The following FBXL20 variants were observed in gnomAD, a reference collection of about 807,000 sequenced individuals.
The protein encoded by FBXL20 is F-box/LRR-repeat protein 20.
A neutral mutation model predicts 64.0 loss-of-function variants in FBXL20; 11 were observed. The ratio of observed to expected loss-of-function variants is 0.17; its 90% CI spans 0.11 to 0.28. FBXL20 has a LOEUF of 0.28. Among genes scored for constraint, FBXL20 ranks in the 10% least tolerant of loss-of-function variants. FBXL20 has a pLI of 1.00. For missense variants in FBXL20, 303 were observed against 526.2 expected (o/e 0.58, Z 4.15); for synonymous variants, 184 against 189.0 (o/e 0.97, Z 0.22).
At chr17:39,339,821 G>T (rs896987095) in intron 2 of FBXL20, among the ~76,000 whole-genome samples, 11 of 150,108 alleles carry the variant, frequency 7.3e-5, no homozygotes, top group Non-Finnish European at 1.5e-4. Context: ...TTTTTTTTTT[G>T]TATTTTAGTA....
chr17:39,285,435 ATT>A, intron 7 of FBXL20, 41 bp downstream of exon 7: 3 of 1,281,622 alleles, frequency 2.3e-6, no homozygotes, highest in Non-Finnish European at 2.1e-6. Context: ...TAAAATATGT[ATT>A]TTTTTTTGAT....
intron 2 of FBXL20, among the ~76,000 whole-genome samples, chr17:39,327,051 A>G (rs1046671761): frequency 2.6e-5 from 4 of 151,984 alleles, no homozygotes; most frequent in Non-Finnish European, 4.4e-5. Context: ...CGTCTCCACT[A>G]ATTTTTTTAT....
intron 6 of FBXL20, among the ~76,000 whole-genome samples, chr17:39,290,345 T>C (rs2047027092): frequency 6.6e-6 from 1 of 152,112 alleles, no homozygotes; most frequent in South Asian, 2.1e-4. Context: ...TGAATCCAAT[T>C]ATACCATTAT....
chr17:39,331,623 G>A (rs745601542), intron 2 of FBXL20, among the ~76,000 whole-genome samples: 7 of 152,164 alleles, frequency 4.6e-5, no homozygotes, highest in Non-Finnish European at 1.0e-4. Context: ...GACAGTGATT[G>A]TTTATTTCTA....
At chr17:39,291,730 C>T (rs367883644) in intron 6 of FBXL20, among the ~76,000 whole-genome samples, 2 of 152,010 alleles carry the variant, frequency 1.3e-5, no homozygotes, top group Non-Finnish European at 1.5e-5. Context: ...GCACTGTGCC[C>T]GGCCAAACTT....
chr17:39,367,082 G>A lies in FBXL20; in HGVS notation c.43-23841C>T, dbSNP rs563156950. On this transcript the variant is annotated intron_variant, in intron 1 of 14. Transcript: ENST00000264658. ...TATTTTTTAGTAGAGACGGGGTTTCGGCGTGTTAGCCAGGATGGTCTCGAT... is the reference window on the plus strand; with the variant it reads ...TATTTTTTAGTAGAGACGGGGTTTCAGCGTGTTAGCCAGGATGGTCTCGAT... Among the ~76,000 whole-genome samples, 7 of 150,822 alleles carry A rather than the reference G, an allele frequency of 4.6e-5. No homozygotes were observed. The South Asian group carries it at 6.3e-4, about 14-fold the overall frequency.
chr17:39,343,888 G>C (rs1477769034), intron 1 of FBXL20, among the ~76,000 whole-genome samples: 2 of 151,868 alleles, frequency 1.3e-5, no homozygotes, highest in Non-Finnish European at 2.9e-5. Context: ...TTTTGAGACA[G>C]AGTCTCACTC....
Position 39,372,646 on chromosome 17 carries a change from G to A in FBXL20, c.42+28715C>T, listed in dbSNP as rs535925809. ...TTTTTTTTTTTTGAGATGGAGTTTCGCTCTTGTTGCCCAGGCTGTAGTGCA... is the reference window on the plus strand; with the variant it reads ...TTTTTTTTTTTTGAGATGGAGTTTCACTCTTGTTGCCCAGGCTGTAGTGCA... On this transcript the variant is annotated intron_variant, in intron 1 of 14. Transcript: ENST00000264658. Among the ~76,000 whole-genome samples, 9 of 139,904 alleles carry A rather than the reference G, an allele frequency of 6.4e-5. 1 individual carries two copies. The highest frequency in any genetic ancestry group is 6.0e-4 in the Admixed American group (8 of 13,432). 91.8% of individuals were successfully genotyped at this position (139,904 alleles called of 152,430 possible).
intron 12 of FBXL20, among the ~76,000 whole-genome samples, chr17:39,265,714 G>A (rs2046785424): frequency 6.7e-6 from 1 of 149,950 alleles, no homozygotes; most frequent in Non-Finnish European, 1.5e-5. Context: ...GTAGAGACAG[G>A]GTTTCCCTAT....
At chr17:39,363,741 T>A (rs1305424759) in intron 1 of FBXL20, among the ~76,000 whole-genome samples, 1 of 145,070 alleles carries the variant, frequency 6.9e-6, no homozygotes, top group Non-Finnish European at 1.5e-5. Context: ...AGCCCGGAAG[T>A]TGAAGGCTGC....
intron 2 of FBXL20, among the ~76,000 whole-genome samples, chr17:39,336,775 G>A (rs1456342808): frequency 6.6e-6 from 1 of 150,884 alleles, no homozygotes; most frequent in Non-Finnish European, 1.5e-5. Context: ...AGTGAGCCGA[G>A]ATTGCACCAT....
chr17:39,299,333 C>T (rs534376444), intron 4 of FBXL20, among the ~76,000 whole-genome samples: 48 of 152,194 alleles, frequency 3.2e-4, no homozygotes, highest in Admixed American at 1.2e-3. Flanking sequence ...AAATAATGTT[C>T]TATAGTTCTC....
At chr17:39,310,616 G>T (rs958320268) in intron 2 of FBXL20, among the ~76,000 whole-genome samples, 2 of 152,052 alleles carry the variant, frequency 1.3e-5, no homozygotes, top group Non-Finnish European at 2.9e-5. Context: ...GGGAGGCTAA[G>T]GCAAGGAGGA....
chr17:39,365,283 G>C (rs969365269), intron 1 of FBXL20, among the ~76,000 whole-genome samples: 1 of 152,050 alleles, frequency 6.6e-6, no homozygotes, highest in Admixed American at 6.6e-5. Flanking sequence ...TTTCTTGCCC[G>C]AATCTAAAAG....
upstream of FBXL20, chr17:39,402,002 C>G: frequency 1.8e-6 from 1 of 557,200 alleles, no homozygotes. Context: ...GGGGGCCCCT[C>G]TTCTGCCCCG....
At chr17:39,315,393 T>TTATATATATATATATATATATATATTTA (rs59563317) in intron 2 of FBXL20, among the ~76,000 whole-genome samples, 1 of 134,552 alleles carries the variant, frequency 7.4e-6, no homozygotes, top group African/African-American at 2.9e-5. Flanking sequence ...TTTAAATAAT[T>TTATATATATATATATATATATATATTTA]TATATATATA....
chr17:39,369,256 C>CT (rs72363930), intron 1 of FBXL20, among the ~76,000 whole-genome samples: 1,580 of 98,570 alleles, frequency 0.016, 26 homozygotes, highest in Middle Eastern at 0.027. Flanking sequence ...GAATTCAATG[C>CT]TTTTTTTTTT....
chr17:39,398,679 GT>G (rs138907446), intron 1 of FBXL20, among the ~76,000 whole-genome samples: 78 of 146,280 alleles, frequency 5.3e-4, no homozygotes, highest in Admixed American at 2.9e-3. Context: ...GTTGTTTTTT[GT>G]TTTTTTTTTG....
At chr17:39,348,214 G>A (rs1298506566) in intron 1 of FBXL20, among the ~76,000 whole-genome samples, 1 of 151,864 alleles carries the variant, frequency 6.6e-6, no homozygotes, top group East Asian at 1.9e-4. Flanking sequence ...TGTAATCCCA[G>A]CACTTTGGGA....
Sources: allele counts gnomAD v4.1 joint callset (sites outside exome capture counted in the v4.1 genomes callset), GRCh38; gene constraint gnomAD v4.1.1; transcripts MANE v1.5; gene names NCBI Gene and HGNC (gene_info 2026-07-23, HGNC 2026-07-21).